Variants in DPP6 observed in about 807,000 individuals in gnomAD.
The protein encoded by DPP6 is A-type potassium channel modulatory protein DPP6.
DPP6 carries 69 observed loss-of-function variants against 122.6 expected under a neutral mutation model. That is an observed-to-expected ratio of 0.56 (90% CI 0.46 to 0.69). The LOEUF is 0.69. DPP6 is among the 30% of genes least tolerant of loss of function. The pLI, the probability that DPP6 is intolerant of heterozygous loss-of-function variation, is 0.00. For missense variants in DPP6, 928 were observed against 1,116.9 expected (o/e 0.83, Z 2.41); for synonymous variants, 418 against 433.1 (o/e 0.97, Z 0.43).
intron 1 of DPP6, among the ~76,000 whole-genome samples, chr7:153,895,608 G>A (rs1799374888): frequency 7.9e-6 from 1 of 125,934 alleles, no homozygotes; most frequent in Admixed American, 8.6e-5. Flanking sequence ...ACAAATAGAT[G>A]GCATCAATGT....
chr7:154,510,550 T>G (rs930680464), intron 3 of DPP6, among the ~76,000 whole-genome samples: 2 of 151,998 alleles, frequency 1.3e-5, no homozygotes, highest in East Asian at 3.9e-4. Context: ...ATACAAAAAA[T>G]TAGCCGGGTG....
chr7:154,201,515 T>A (rs1051907469), intron 1 of DPP6, among the ~76,000 whole-genome samples: 2 of 152,196 alleles, frequency 1.3e-5, no homozygotes, highest in Non-Finnish European at 2.9e-5. Flanking sequence ...AAACATTCAT[T>A]CCAATTAGGG....
chr7:154,779,112 C>T (rs986633547), intron 10 of DPP6, among the ~76,000 whole-genome samples: 22 of 2,454 alleles, frequency 9.0e-3, no homozygotes, highest in South Asian at 0.026. Context: ...ACCACCCCCA[C>T]CATCACCACC....
chr7:153,875,824 C>A, the DPP6 span, among the ~76,000 whole-genome samples: 2 of 145,076 alleles, frequency 1.4e-5, no homozygotes, highest in Non-Finnish European at 3.0e-5. Context: ...TGCATTAATG[C>A]AAATGGATTG....
chr7:153,778,561 T>G, the DPP6 span, among the ~76,000 whole-genome samples: 1 of 149,728 alleles, frequency 6.7e-6, no homozygotes, highest in Admixed American at 6.6e-5. Flanking sequence ...TGTACAGTTT[T>G]ATGATACTCA....
chr7:153,967,545 T>A (rs1795815057), intron 1 of DPP6, among the ~76,000 whole-genome samples: 1 of 152,210 alleles, frequency 6.6e-6, no homozygotes, highest in African/African-American at 2.4e-5. Context: ...TTGCTGTGAC[T>A]AGTCCATTAG....
the DPP6 span, among the ~76,000 whole-genome samples, chr7:153,793,760 A>T: frequency 6.6e-6 from 1 of 151,722 alleles, no homozygotes; most frequent in Non-Finnish European, 1.5e-5. Flanking sequence ...CTCCCATCAC[A>T]GGCCCAGAGA....
At chr7:153,957,011 T>C (rs891640342) in intron 1 of DPP6, among the ~76,000 whole-genome samples, 11 of 150,474 alleles carry the variant, frequency 7.3e-5, no homozygotes, top group Admixed American at 4.0e-4. Flanking sequence ...TAATAAGTTA[T>C]AAGAAAGAAG....
intron 7 of DPP6, among the ~76,000 whole-genome samples, chr7:154,687,961 A>G (rs1839718522): frequency 6.6e-6 from 1 of 152,178 alleles, no homozygotes; most frequent in Admixed American, 6.5e-5. Flanking sequence ...AGCCTCTGCT[A>G]TTTATCAAAC....
chr7:154,165,078 C>A (rs1254214956), intron 1 of DPP6, among the ~76,000 whole-genome samples: 3 of 150,814 alleles, frequency 2.0e-5, no homozygotes, highest in African/African-American at 7.4e-5. Flanking sequence ...CATATGTATA[C>A]ATGTGCCATG....
intron 1 of DPP6, among the ~76,000 whole-genome samples, chr7:154,153,593 G>A (rs531167321): frequency 3.8e-4 from 57 of 151,740 alleles, no homozygotes; most frequent in African/African-American, 1.3e-3. Context: ...ACACCTGCAG[G>A]TCCACCCTCT....
At chr7:154,199,882 A>G (rs1799079099) in intron 1 of DPP6, among the ~76,000 whole-genome samples, 1 of 152,186 alleles carries the variant, frequency 6.6e-6, no homozygotes, top group African/African-American at 2.4e-5. Flanking sequence ...TGCTGGGATT[A>G]CAGGCGTGAG....
At chr7:154,836,991 G>A (rs564339649) in intron 16 of DPP6, among the ~76,000 whole-genome samples, 17 of 152,370 alleles carry the variant, frequency 1.1e-4, no homozygotes, top group Admixed American at 5.2e-4. Flanking sequence ...ACAGGAGTGA[G>A]CCACTGCACC....
chr7:154,065,216 C>G (rs1033661048), intron 1 of DPP6, among the ~76,000 whole-genome samples: 8 of 151,888 alleles, frequency 5.3e-5, no homozygotes, highest in Non-Finnish European at 8.8e-5. Context: ...CTTAAACCAG[C>G]TCCAACAAGG....
At chr7:154,619,550 A>C (rs2087318) in intron 5 of DPP6, among the ~76,000 whole-genome samples, 101,585 of 152,052 alleles carry the variant, frequency 0.67, 33,986 homozygotes, top group Middle Eastern at 0.79. Context: ...AGGCTAGTGT[A>C]TTTGTGGCTG....
intron 14 of DPP6, among the ~76,000 whole-genome samples, chr7:154,804,547 A>C (rs1798573733): frequency 6.6e-6 from 1 of 152,144 alleles, no homozygotes; most frequent in Non-Finnish European, 1.5e-5. Flanking sequence ...GGGCCAGGCT[A>C]TATGTCTGAA....
upstream of DPP6, among the ~76,000 whole-genome samples, chr7:153,883,360 C>T (rs1372717393): frequency 6.7e-6 from 1 of 149,870 alleles, no homozygotes; most frequent in Non-Finnish European, 1.5e-5. Context: ...TTTCCTTACA[C>T]TTACTTTCCT....
chr7:154,053,314 G>A (rs1800544760), intron 1 of DPP6, among the ~76,000 whole-genome samples: 2 of 152,060 alleles, frequency 1.3e-5, no homozygotes, highest in Non-Finnish European at 2.9e-5. Flanking sequence ...TTTGGGTACT[G>A]CGCCTGCTGG....
At chr7:153,843,080 GCA>G in the DPP6 span, among the ~76,000 whole-genome samples, 910 of 148,816 alleles carry the variant, frequency 6.1e-3, 9 homozygotes, top group African/African-American at 0.022. Flanking sequence ...ACACACGTGC[GCA>G]CACACACGAG....
Sources: gnomAD v4.1 joint callset for allele counts (sites outside exome capture counted in the v4.1 genomes callset) on GRCh38, gnomAD v4.1.1 for gene constraint, MANE v1.5 for transcripts, NCBI Gene and HGNC (gene_info 2026-07-23, HGNC 2026-07-21) for gene names.